GABBR1: variants seen among roughly 807,000 people sequenced by gnomAD.
GABBR1 encodes the protein GABA-B receptor, R1 subunit.
GABBR1 carries 35 observed loss-of-function variants against 117.7 expected under a neutral mutation model. The observed-to-expected ratio is 0.30, with a 90% confidence interval of 0.23 to 0.39. The LOEUF is 0.39. GABBR1 is among the 10% of genes least tolerant of loss of function. GABBR1 has a pLI of 1.00. For missense variants in GABBR1, 709 were observed against 1,241.8 expected (o/e 0.57, Z 6.45); for synonymous variants, 442 against 486.6 (o/e 0.91, Z 1.21).
In GABBR1 at chr6:29,632,169, C is replaced by T; in HGVS notation, c.85+132G>A. On this transcript the variant is annotated intron_variant, in intron 2 of 22. Coordinates refer to ENST00000377034, the MANE Select transcript of GABBR1 (RefSeq NM_001470.4). The surrounding 1 kb of genome is among the most constrained non-coding windows in gnomAD (Gnocchi z 5.8). The stretch of plus-strand genomic sequence containing the variant: ...GAGGTCAGCAGTAGTAAAGTCGGGC[C>T]GAGCAGAAGGGGTTGCCAGACCGGG... 1.9e-6 allele frequency: 1 copy of T among 534,908 alleles called. No individual in the cohort carries two copies. Among genetic ancestry groups the T allele is most frequent in the Non-Finnish European group, 3.2e-6 (1 of 313,638 alleles). The allele number at this position is 534,908 out of a possible 1,614,324, so 33.1% of individuals were successfully genotyped here.
At position 29,631,640 on chromosome 6, in the gene GABBR1, G is replaced by A; in HGVS notation, c.86-41C>T. ...GGGAGGCATACAGAGAGGAATGGTG[G>A]GAAAGAGGAAAAGGCAGGCTCCCCA... is the stretch of plus-strand genomic sequence containing the variant. On this transcript the variant is annotated intron_variant, in intron 2 of 22. Coordinates refer to ENST00000377034, the MANE Select transcript of GABBR1 (RefSeq NM_001470.4). This position sits in a 1 kb window ranked among gnomAD's most constrained non-coding sequence, Gnocchi z 5.9. The A allele has an allele frequency of 4.4e-6, 7 of 1,583,874 alleles. No homozygotes were observed. Among genetic ancestry groups the A allele is most frequent in the Non-Finnish European group, 6.1e-6 (7 of 1,152,918 alleles).
At position 29,609,278 on chromosome 6, in the gene GABBR1, C is replaced by T. The variant is rs1762281563; in HGVS notation, c.1810G>A (p.Val604Ile). Reference sequence around the variant, plus strand: ...AAGGACAGACAGACAACAGCTAGGACAATGCCCAGGCTGGAGAGAACTGAG... The same window carrying T: ...AAGGACAGACAGACAACAGCTAGGATAATGCCCAGGCTGGAGAGAACTGAG... ...SVSVLSSLGI[V>I]LAVVCLSFNI... Residue 604 changes from valine to isoleucine, a missense_variant, in exon 15 of 23, where the codon GTC (valine) becomes ATC (isoleucine). Val to Ile is a conservative substitution (Grantham distance 29). Transcript: ENST00000377034. This position sits in a 1 kb window ranked among gnomAD's most constrained non-coding sequence, Gnocchi z 4.3. 6.2e-7 allele frequency: 1 copy of T among 1,613,034 alleles called. No homozygotes were observed. The highest frequency in any genetic ancestry group is 1.1e-5 in the South Asian group (1 of 91,086).
At chr6:29,610,655 C>A (rs557534878) in intron 14 of GABBR1, among the ~76,000 whole-genome samples, 1 of 152,028 alleles carries the variant, frequency 6.6e-6, no homozygotes, top group Non-Finnish European at 1.5e-5. Flanking sequence ...CCGCCCTCTG[C>A]CCACCCCCTG....
In GABBR1 at chr6:29,622,085, C is replaced by G. The variant is rs1040581703; in HGVS notation, c.1065+19G>C. 1.2e-6 allele frequency: 2 copies of G among 1,600,974 alleles called. No homozygotes were observed. The highest frequency in any genetic ancestry group is 2.7e-5 in the African/African-American group (2 of 74,658). On this transcript the variant is annotated intron_variant, in intron 9 of 22. Coordinates refer to ENST00000377034, the MANE Select transcript of GABBR1 (RefSeq NM_001470.4). The surrounding 1 kb of genome is among the most constrained non-coding windows in gnomAD (Gnocchi z 4.6). ...TTGGTCCCTCCGTAAACAGAGCCCA[C>G]CACTCCCAGCCATCTGACCTTCAGG...
chr6:29,628,259 G>A, intron 5 of GABBR1: 1 of 851,080 alleles, frequency 1.2e-6, no homozygotes, highest in Non-Finnish European at 1.4e-6. Context: ...CACTTAAGGG[G>A]ACCCGAGGGG....
At position 29,627,441 on chromosome 6, in the gene GABBR1, C is replaced by A; in HGVS notation, c.657+45G>T. ...GCGCGTGCAGCTGGCTGGCCCCCTGCCCCGCAAGCCCCCACCTCCCACCCA... is the reference window on the plus strand; with the variant it reads ...GCGCGTGCAGCTGGCTGGCCCCCTGACCCGCAAGCCCCCACCTCCCACCCA... On this transcript the variant is annotated intron_variant, in intron 6 of 22. Coordinates refer to ENST00000377034, the MANE Select transcript of GABBR1 (RefSeq NM_001470.4). The surrounding 1 kb of genome is among the most constrained non-coding windows in gnomAD (Gnocchi z 4.4). The A allele has an allele frequency of 7.5e-7, 1 of 1,338,040 alleles. No homozygotes were observed. The highest frequency in any genetic ancestry group is 2.2e-5 in the Admixed American group (1 of 45,552). The allele number at this position is 1,338,040 out of a possible 1,614,324, so 82.9% of individuals were successfully genotyped here.
chr6:29,618,061 TAC>T (rs1248479682), intron 11 of GABBR1, among the ~76,000 whole-genome samples: 1 of 152,216 alleles, frequency 6.6e-6, no homozygotes, highest in Non-Finnish European at 1.5e-5. Flanking sequence ...CCAGCCACCC[TAC>T]ACAGTCTCTG....
Position 29,613,109 on chromosome 6 carries a change from C to A in GABBR1, c.1566+134G>T. 2.0e-6 allele frequency: 2 copies of A among 981,496 alleles called. No homozygotes were observed. Among genetic ancestry groups the A allele is most frequent in the Admixed American group, 2.3e-5 (1 of 43,470 alleles). 60.8% of individuals were successfully genotyped at this position (981,496 alleles called of 1,614,324 possible). A position where few individuals can be genotyped will look rare whatever the true frequency, so the allele number is the denominator to read the frequency against. ...GGTTCTTCTAATTTGAAGGTCCCTACTTCTCTGGTCGGAGACTGATTCTGC... is the reference window on the plus strand; with the variant it reads ...GGTTCTTCTAATTTGAAGGTCCCTAATTCTCTGGTCGGAGACTGATTCTGC... On this transcript the variant is annotated intron_variant, in intron 12 of 22. Transcript: ENST00000377034. The surrounding 1 kb of genome is among the most constrained non-coding windows in gnomAD (Gnocchi z 4.1).
At chr6:29,617,433 C>T (rs939058284) in intron 11 of GABBR1, among the ~76,000 whole-genome samples, 2 of 151,538 alleles carry the variant, frequency 1.3e-5, no homozygotes, top group African/African-American at 4.9e-5. Flanking sequence ...TCCCAAGTAG[C>T]TGGGATTACA....
chr6:29,627,861 C>G lies in GABBR1; in HGVS notation c.497-215G>C, dbSNP rs565397550. The G allele has an allele frequency of 2.7e-4, 375 of 1,387,152 alleles. 2 individuals are homozygous for G. The East Asian group carries it at 8.6e-3, about 32-fold the overall frequency. 85.9% of individuals were successfully genotyped at this position (1,387,152 alleles called of 1,614,324 possible). On this transcript the variant is annotated intron_variant, in intron 5 of 22. Transcript: ENST00000377034. The surrounding 1 kb of genome is among the most constrained non-coding windows in gnomAD (Gnocchi z 4.4). The stretch of plus-strand genomic sequence containing the variant: ...GGGGGGACACTTTTCCTGGGGAGGG[C>G]TGCTAAGAGGGTGCCGGGGAGGCGC...
Position 29,606,880 on chromosome 6 carries a change from C to T in GABBR1, c.2217+17G>A. The T allele has an allele frequency of 6.2e-7, 1 of 1,605,432 alleles. No homozygotes were observed. The highest frequency in any genetic ancestry group is 8.5e-7 in the Non-Finnish European group (1 of 1,172,130). ...CTGCTCATTCTCCTGACCATAGCACCTCCTCTCCAGTGGTACCTCAATGGT... is the reference window on the plus strand; with the variant it reads ...CTGCTCATTCTCCTGACCATAGCACTTCCTCTCCAGTGGTACCTCAATGGT... On this transcript the variant is annotated intron_variant, in intron 18 of 22. Coordinates refer to ENST00000377034, the MANE Select transcript of GABBR1 (RefSeq NM_001470.4). This position sits in a 1 kb window ranked among gnomAD's most constrained non-coding sequence, Gnocchi z 4.5.
chr6:29,632,800 G>T lies in GABBR1; in HGVS notation c.-1+50C>A. The T allele has an allele frequency of 1.6e-6, 1 of 632,290 alleles. No homozygotes were observed. 39.2% of individuals were successfully genotyped at this position (632,290 alleles called of 1,614,324 possible). ...CGCCCACTGCCCCCTCCCCCACCAC[G>T]CCGCGCGCCCCCTCTCCGAGCCCTG... On this transcript the variant is annotated intron_variant, in intron 1 of 22. Coordinates refer to ENST00000377034, the MANE Select transcript of GABBR1 (RefSeq NM_001470.4). The surrounding 1 kb of genome is among the most constrained non-coding windows in gnomAD (Gnocchi z 5.8).
intron 11 of GABBR1, among the ~76,000 whole-genome samples, chr6:29,615,524 G>A (rs994887983): frequency 2.4e-4 from 35 of 148,870 alleles, no homozygotes; most frequent in African/African-American, 8.5e-4. Flanking sequence ...TAGAAGAATC[G>A]CTTGAACTCA....
At position 29,613,558 on chromosome 6, in the gene GABBR1, T is replaced by C; in HGVS notation, c.1324-73A>G. On this transcript the variant is annotated intron_variant, in intron 11 of 22. Coordinates refer to ENST00000377034, the MANE Select transcript of GABBR1 (RefSeq NM_001470.4). The surrounding 1 kb of genome is among the most constrained non-coding windows in gnomAD (Gnocchi z 4.1). ...TGGGGGAAGGGGTGCAATCCAATTC[T>C]GACTCAATCACTTCTACTTGAATGG... is the stretch of plus-strand genomic sequence containing the variant. The C allele has an allele frequency of 1.3e-6, 2 of 1,527,628 alleles. No homozygotes were observed. Among genetic ancestry groups the C allele is most frequent in the East Asian group, 4.5e-5 (2 of 44,158 alleles). 94.6% of individuals were successfully genotyped at this position (1,527,628 alleles called of 1,614,324 possible). A position where few individuals can be genotyped will look rare whatever the true frequency, so the allele number is the denominator to read the frequency against.
rs746708684 is a variant in GABBR1, at chr6:29,606,879, C to G, written c.2217+18G>C. ...CCTGCTCATTCTCCTGACCATAGCA[C>G]CTCCTCTCCAGTGGTACCTCAATGG... On this transcript the variant is annotated intron_variant, in intron 18 of 22. Coordinates refer to ENST00000377034, the MANE Select transcript of GABBR1 (RefSeq NM_001470.4). This position sits in a 1 kb window ranked among gnomAD's most constrained non-coding sequence, Gnocchi z 4.5. 1.2e-6 allele frequency: 2 copies of G among 1,604,130 alleles called. No individual in the cohort carries two copies. The highest frequency in any genetic ancestry group is 2.2e-5 in the South Asian group (2 of 90,888).
intron 6 of GABBR1, among the ~76,000 whole-genome samples, chr6:29,626,502 G>A (rs1028319003): frequency 2.0e-5 from 3 of 151,632 alleles, no homozygotes; most frequent in Non-Finnish European, 4.4e-5. Flanking sequence ...GGGGAGAGGG[G>A]TGGGAAAAAA....
chr6:29,607,621 C>A lies in GABBR1; in HGVS notation c.1993-403G>T, dbSNP rs1407883502. 1.3e-5 allele frequency among the ~76,000 whole-genome samples: 2 copies of A among 152,236 alleles called. No individual in the cohort carries two copies. The highest frequency in any genetic ancestry group is 3.8e-4 in the East Asian group (2 of 5,198). On this transcript the variant is annotated intron_variant, in intron 16 of 22. Transcript: ENST00000377034. This position sits in a 1 kb window ranked among gnomAD's most constrained non-coding sequence, Gnocchi z 5.0. ...CCCCACACCTACCCCACGCTCCAGC[C>A]ATGCTGAACTACTCACTTTCTCTTC...
Position 29,603,572 on chromosome 6 carries a change from C to A in GABBR1, c.2857G>T (p.Gly953Trp). Residue 953 changes from glycine (G) to tryptophan (W), a missense_variant, in exon 23 of 23, where the codon GGG becomes TGG. Coordinates refer to ENST00000377034, the MANE Select transcript of GABBR1 (RefSeq NM_001470.4). ...PEPPDRLSCD[G>W]SRVHLLYK is the part of the protein sequence containing the mutation. ...TTATAAAGCAAATGCACTCGACTCC[C>A]ATCACAGCTAAGCCGGTCGGGGGGC... The A allele has an allele frequency of 6.3e-7, 1 of 1,591,912 alleles. No homozygotes were observed. Among genetic ancestry groups the A allele is most frequent in the South Asian group, 1.1e-5 (1 of 87,178 alleles).
chr6:29,603,770 T>A, intron 22 of GABBR1, 54 bp from the exon 23 acceptor site: 1 of 1,314,170 alleles, frequency 7.6e-7, no homozygotes, highest in South Asian at 2.2e-5. Flanking sequence ...GATGAAGGAG[T>A]GGGGAGGAGG....
Sources: allele counts gnomAD v4.1 joint callset (sites outside exome capture counted in the v4.1 genomes callset), GRCh38; gene constraint gnomAD v4.1.1; non-coding constraint Gnocchi (gnomAD v3.1); transcripts MANE v1.5; gene names NCBI Gene and HGNC (gene_info 2026-07-23, HGNC 2026-07-21).